The following PRRX2 variants were observed in gnomAD, a reference collection of about 807,000 sequenced individuals.
The protein encoded by PRRX2 is paired mesoderm homeobox protein 2.
PRRX2 carries 11 observed loss-of-function variants against 18.0 expected under a neutral mutation model. The observed-to-expected ratio is 0.61, with a 90% CI of 0.39 to 1.01. The LOEUF (loss-of-function observed/expected upper bound fraction) is 1.01, where lower values mean the gene tolerates loss of function less well. Ranked by LOEUF, PRRX2 falls within the 50% of genes least tolerant of loss-of-function variation. PRRX2 has a pLI of 0.01. For synonymous variants in PRRX2, 177 were observed against 154.8 expected (o/e 1.14, Z -1.06); for missense variants, 387 against 351.0 (o/e 1.10, Z -0.82).
At chr9:129,699,439 A>ATGTGTGTGTGTGTGTGTG (rs3138854) in intron 1 of PRRX2, among the ~76,000 whole-genome samples, 42 of 145,602 alleles carry the variant, frequency 2.9e-4, no homozygotes, top group African/African-American at 9.9e-4. Flanking sequence ...AAATATATAT[A>ATGTGTGTGTGTGTGTGTG]TGTGTGTGTG....
intron 1 of PRRX2, among the ~76,000 whole-genome samples, chr9:129,667,117 C>T (rs1467754459): frequency 2.6e-5 from 4 of 152,214 alleles, no homozygotes; most frequent in Non-Finnish European, 5.9e-5. Flanking sequence ...CCATGTGCGT[C>T]CACGAGGACG....
At chr9:129,696,751 G>T (rs1412652378) in intron 1 of PRRX2, among the ~76,000 whole-genome samples, 1 of 152,162 alleles carries the variant, frequency 6.6e-6, no homozygotes, top group African/African-American at 2.4e-5. Flanking sequence ...ACTTTCCCCA[G>T]ATGCTTGGGT....
At chr9:129,687,521 CAACTT>C (rs1832311513) in intron 1 of PRRX2, among the ~76,000 whole-genome samples, 1 of 152,240 alleles carries the variant, frequency 6.6e-6, no homozygotes, top group Non-Finnish European at 1.5e-5. Context: ...GTCACTAACT[CAACTT>C]GCTTGCGCTG....
At chr9:129,691,293 C>G (rs749815256) in intron 1 of PRRX2, among the ~76,000 whole-genome samples, 1 of 151,174 alleles carries the variant, frequency 6.6e-6, no homozygotes, top group African/African-American at 2.4e-5. Flanking sequence ...CCCAAGATCG[C>G]ACCATTGCAC....
At position 129,709,170 on chromosome 9, in the gene PRRX2, C is replaced by T. The variant is rs1832590152; in HGVS notation, c.260-10061C>T. On this transcript the variant is annotated intron_variant, in intron 1 of 3. Transcript: ENST00000372469. This position sits in a 1 kb window ranked among gnomAD's most constrained non-coding sequence, Gnocchi z 4.2. ...CCTAGCTAGAGGGAACAGCAGATAC[C>T]AAGGCCCAGAGGTGGGAAGGTGCTT... 6.6e-6 allele frequency among the ~76,000 whole-genome samples: 1 copy of T among 152,164 alleles called. No individual in the cohort carries two copies. Among genetic ancestry groups the T allele is most frequent in the Non-Finnish European group, 1.5e-5 (1 of 68,032 alleles).
At position 129,665,917 on chromosome 9, in the gene PRRX2, CG is replaced by C. The variant is rs1383402295; in HGVS notation, c.54del (p.Pro19ArgfsTer22). On this transcript the variant is annotated frameshift_variant, in exon 1 of 4. Coordinates refer to ENST00000372469, the MANE Select transcript of PRRX2 (RefSeq NM_016307.4). LOFTEE classifies it high-confidence loss of function. The surrounding 1 kb of genome is among the most constrained non-coding windows in gnomAD (Gnocchi z 5.3). ...GCCCTGGACAAGCCGGCGCTGGGCC[CG>C]GGGCCGCCGCCGCCTCCACCCGCGC... Reference protein sequence around the residue: ...AFALDKPALGPGPPPPPPALG... With the variant: ...AFALDKPALGXGPPPPPPALG... The C allele has an allele frequency of 3.6e-6, 4 of 1,113,246 alleles. No homozygotes were observed. The highest frequency in any genetic ancestry group is 2.7e-5 in the South Asian group (1 of 36,762). 69.0% of individuals were successfully genotyped at this position (1,113,246 alleles called of 1,614,324 possible). A position where few individuals can be genotyped will look rare whatever the true frequency, so the allele number is the denominator to read the frequency against.
intron 1 of PRRX2, among the ~76,000 whole-genome samples, chr9:129,696,160 A>C (rs1255752648): frequency 6.6e-6 from 1 of 152,138 alleles, no homozygotes; most frequent in Non-Finnish European, 1.5e-5. Flanking sequence ...CCACTCACCA[A>C]CTGGCTAAGA....
intron 1 of PRRX2, among the ~76,000 whole-genome samples, chr9:129,684,520 A>ACACC (rs1444415832): frequency 2.4e-4 from 10 of 41,298 alleles, no homozygotes; most frequent in Admixed American, 1.9e-3. Flanking sequence ...ACACACACAC[A>ACACC]CACCCACACA....
intron 1 of PRRX2, among the ~76,000 whole-genome samples, chr9:129,670,297 C>T (rs1588160356): frequency 6.6e-6 from 1 of 152,040 alleles, no homozygotes. Context: ...TGGATGTATA[C>T]AAGTCCCTGC....
chr9:129,719,063 T>A (rs778628841), intron 1 of PRRX2, among the ~76,000 whole-genome samples, 168 bp from the exon 2 acceptor site: 1 of 151,384 alleles, frequency 6.6e-6, no homozygotes, highest in Non-Finnish European at 1.5e-5. Flanking sequence ...TGTTGAAGAG[T>A]GAATGGATGG....
intron 1 of PRRX2, among the ~76,000 whole-genome samples, chr9:129,672,663 A>T (rs1340845934): frequency 6.6e-6 from 1 of 152,050 alleles, no homozygotes; most frequent in Non-Finnish European, 1.5e-5. Flanking sequence ...TGTGAGGGAG[A>T]TGGGTCAGGC....
At chr9:129,686,349 C>T (rs1205049644) in intron 1 of PRRX2, among the ~76,000 whole-genome samples, 2 of 152,126 alleles carry the variant, frequency 1.3e-5, no homozygotes, top group Non-Finnish European at 2.9e-5. Flanking sequence ...GACCTCCTTA[C>T]TTTTGTTTTG....
chr9:129,687,734 A>C (rs1564148282), intron 1 of PRRX2, among the ~76,000 whole-genome samples: 3 of 152,236 alleles, frequency 2.0e-5, no homozygotes. Flanking sequence ...TTTGGGGAGC[A>C]GAAAGGTAGC....
intron 1 of PRRX2, among the ~76,000 whole-genome samples, chr9:129,691,929 G>GTATT (rs148153811): frequency 0.2 from 28,998 of 148,216 alleles, 4,411 homozygotes; most frequent in African/African-American, 0.42. Flanking sequence ...GGCCTAGACG[G>GTATT]TACTTATTTA....
At chr9:129,698,480 C>T (rs1832457178) in intron 1 of PRRX2, among the ~76,000 whole-genome samples, 1 of 152,164 alleles carries the variant, frequency 6.6e-6, no homozygotes, top group African/African-American at 2.4e-5. Flanking sequence ...TTTGGTGAAA[C>T]ACACGTGGCA....
At position 129,691,928 on chromosome 9, in the gene PRRX2, G is replaced by A. The variant is rs559806728; in HGVS notation, c.259+25802G>A. Among the ~76,000 whole-genome samples the A allele has an allele frequency of 2.9e-4, 37 of 127,998 alleles. 1 individual carries two copies. In the East Asian group the frequency reaches 7.6e-3, roughly 26 times the overall value. The allele number at this position is 127,998 out of a possible 152,430, so 84.0% of individuals were successfully genotyped here. On this transcript the variant is annotated intron_variant, in intron 1 of 3. Transcript: ENST00000372469. ...ATGAGCCATCGTGCCTGGCCTAGACGGTACTTATTTATTTATTTATTTATT... is the reference window on the plus strand; with the variant it reads ...ATGAGCCATCGTGCCTGGCCTAGACAGTACTTATTTATTTATTTATTTATT...
intron 1 of PRRX2, among the ~76,000 whole-genome samples, chr9:129,668,928 C>T (rs1588159900): frequency 6.6e-6 from 1 of 151,620 alleles, no homozygotes. Flanking sequence ...GCAGTTGGAT[C>T]ACAAGGTCAG....
intron 1 of PRRX2, among the ~76,000 whole-genome samples, chr9:129,712,281 G>T (rs1270225278): frequency 6.6e-6 from 1 of 152,210 alleles, no homozygotes; most frequent in Non-Finnish European, 1.5e-5. Context: ...GCTCACCTCA[G>T]CCCGGGGGTC....
Position 129,709,858 on chromosome 9 carries a change from C to T in PRRX2, c.260-9373C>T, listed in dbSNP as rs1273420672. On this transcript the variant is annotated intron_variant, in intron 1 of 3. Transcript: ENST00000372469. This position sits in a 1 kb window ranked among gnomAD's most constrained non-coding sequence, Gnocchi z 4.2. Reference sequence around the variant, plus strand: ...GAACCTAGACCCCTGCACAGGAGGGCGGGCTCTGCAGGCTCACCCGGCCCT... The same window carrying T: ...GAACCTAGACCCCTGCACAGGAGGGTGGGCTCTGCAGGCTCACCCGGCCCT... 4.0e-5 allele frequency among the ~76,000 whole-genome samples: 6 copies of T among 151,028 alleles called. No homozygotes were observed. The highest frequency in any genetic ancestry group is 9.7e-5 in the African/African-American group (4 of 41,308).
Sources: allele counts gnomAD v4.1 joint callset (sites outside exome capture counted in the v4.1 genomes callset), GRCh38; gene constraint gnomAD v4.1.1; non-coding constraint Gnocchi (gnomAD v3.1); transcripts MANE v1.5; gene names NCBI Gene and HGNC (gene_info 2026-07-23, HGNC 2026-07-21).